Variants in GLIS3 observed in about 807,000 individuals in gnomAD.
The protein encoded by GLIS3 is GLIS family zinc finger 3, also known as zinc finger protein GLIS3.
In GLIS3, 53 loss-of-function variants were observed where a neutral mutation model predicts 78.6. The observed-to-expected ratio is 0.67, with a 90% CI of 0.54 to 0.85. The LOEUF is 0.85. GLIS3 is among the 40% of genes least tolerant of loss of function. The probability of loss-of-function intolerance (pLI) is 0.00; values close to 1 mark genes in which losing one functional copy is unlikely to be tolerated. For synonymous variants in GLIS3, 684 were observed against 509.9 expected (o/e 1.34, Z -4.60); for missense variants, 1,703 against 1,231.1 (o/e 1.38, Z -5.74).
Position 4,118,351 on chromosome 9 carries a change from G to A in GLIS3, c.1127C>T (p.Pro376Leu). The A allele has an allele frequency of 1.9e-6, 3 of 1,583,292 alleles. No homozygotes were observed. The highest frequency in any genetic ancestry group is 2.6e-6 in the Non-Finnish European group (3 of 1,168,568). Residue 376 changes from proline to leucine, a missense_variant, in exon 4 of 11, where the codon CCT becomes CTT. Pro to Leu is a moderately conservative substitution (Grantham distance 98, BLOSUM62 -3). Transcript: ENST00000381971. This position sits in a 1 kb window ranked among gnomAD's most constrained non-coding sequence, Gnocchi z 4.7. ...GTAGGCCGGCAGCGCCAGGCCTCCA[G>A]GGGCCACCAGCACGCCCTTCTGGCT... ...PGSQKGVLVA[P>L]GGLALPAYGE...
intron 4 of GLIS3, among the ~76,000 whole-genome samples, chr9:3,984,355 T>G (rs1819551996): frequency 6.6e-6 from 1 of 152,246 alleles, no homozygotes; most frequent in South Asian, 2.1e-4. Flanking sequence ...ACACACCTCT[T>G]GCATCAGCAT....
the GLIS3 span, among the ~76,000 whole-genome samples, chr9:4,380,169 T>C: frequency 3.3e-5 from 5 of 152,376 alleles, no homozygotes; most frequent in South Asian, 4.1e-4. Context: ...GGAATTATAA[T>C]TGGTTCATTA....
intron 2 of GLIS3, among the ~76,000 whole-genome samples, chr9:4,149,766 A>C (rs906119803): frequency 6.6e-6 from 1 of 151,960 alleles, no homozygotes; most frequent in African/African-American, 2.4e-5. Flanking sequence ...GGAGCAGGTG[A>C]AACAGAGATC....
At chr9:4,232,213 A>T (rs572216495) in intron 2 of GLIS3, among the ~76,000 whole-genome samples, 1 of 152,116 alleles carries the variant, frequency 6.6e-6, no homozygotes, top group South Asian at 2.1e-4. Flanking sequence ...TTCTGTCTCT[A>T]CAGAAAAATT....
At chr9:4,437,821 T>A in the GLIS3 span, among the ~76,000 whole-genome samples, 5 of 152,218 alleles carry the variant, frequency 3.3e-5, no homozygotes, top group Non-Finnish European at 7.3e-5. Context: ...CACTTCTTAA[T>A]GAATAGTAAA....
intron 9 of GLIS3, among the ~76,000 whole-genome samples, chr9:3,851,735 T>C (rs560964376): frequency 6.6e-6 from 1 of 151,716 alleles, no homozygotes; most frequent in Admixed American, 6.6e-5. Flanking sequence ...CCTTCATAGC[T>C]CTCTGTAATG....
At chr9:3,999,872 C>T (rs752814611) in intron 4 of GLIS3, among the ~76,000 whole-genome samples, 8 of 152,060 alleles carry the variant, frequency 5.3e-5, no homozygotes, top group South Asian at 2.1e-4. Flanking sequence ...ATAGTAATTA[C>T]GCAATGCAAC....
chr9:4,367,792 A>G, the GLIS3 span, among the ~76,000 whole-genome samples: 1 of 152,174 alleles, frequency 6.6e-6, no homozygotes, highest in African/African-American at 2.4e-5. Flanking sequence ...AAAAAAGAAG[A>G]GACATTTATT....
chr9:4,245,670 T>C (rs1289007396), intron 2 of GLIS3, among the ~76,000 whole-genome samples: 2 of 152,200 alleles, frequency 1.3e-5, no homozygotes, highest in African/African-American at 2.4e-5. Flanking sequence ...ACTGATATAA[T>C]TTTCAATGTT....
At chr9:4,251,283 G>T (rs956197850) in intron 2 of GLIS3, among the ~76,000 whole-genome samples, 1 of 151,994 alleles carries the variant, frequency 6.6e-6, no homozygotes, top group Non-Finnish European at 1.5e-5. Flanking sequence ...TATGAATCTG[G>T]GTCCTCCTGT....
chr9:3,889,486 T>G (rs527988451), intron 7 of GLIS3, among the ~76,000 whole-genome samples: 1 of 152,314 alleles, frequency 6.6e-6, no homozygotes, highest in South Asian at 2.1e-4. Context: ...ACTAAAGTAT[T>G]TGCTAAATCT....
chr9:4,251,903 TCTTTC>T (rs1303134398), intron 2 of GLIS3, among the ~76,000 whole-genome samples: 1 of 152,204 alleles, frequency 6.6e-6, no homozygotes, highest in Non-Finnish European at 1.5e-5. Context: ...GGTTGAAAAT[TCTTTC>T]CTTTAAGAAT....
At chr9:4,314,274 G>T (rs1817407338) in intron 2 of GLIS3, among the ~76,000 whole-genome samples, 1 of 152,030 alleles carries the variant, frequency 6.6e-6, no homozygotes, top group East Asian at 1.9e-4. Context: ...ATCAGAATTA[G>T]AATCAAGAAC....
chr9:4,240,199 G>T (rs909027189), intron 2 of GLIS3, among the ~76,000 whole-genome samples: 2 of 151,580 alleles, frequency 1.3e-5, no homozygotes, highest in Middle Eastern at 3.4e-3. Flanking sequence ...GGGAGGTGGG[G>T]GGGGGGGATG....
At chr9:4,217,004 G>A (rs1416128677) in intron 2 of GLIS3, among the ~76,000 whole-genome samples, 2 of 152,198 alleles carry the variant, frequency 1.3e-5, no homozygotes, top group African/African-American at 2.4e-5. Flanking sequence ...AAGGGATTCA[G>A]CTGCTACCAG....
At chr9:4,479,918 T>TC in the GLIS3 span, among the ~76,000 whole-genome samples, 3 of 148,268 alleles carry the variant, frequency 2.0e-5, no homozygotes, top group Non-Finnish European at 4.5e-5. Context: ...TTTTTTTTTT[T>TC]TTTTTTTTGT....
chr9:4,016,124 G>A (rs1024726853), intron 4 of GLIS3, among the ~76,000 whole-genome samples: 54 of 151,996 alleles, frequency 3.6e-4, no homozygotes, highest in Admixed American at 1.3e-4. Context: ...ATCCAAAATG[G>A]GTCATGTTTT....
the GLIS3 span, among the ~76,000 whole-genome samples, chr9:4,460,874 C>T: frequency 1.3e-5 from 2 of 152,182 alleles, no homozygotes. Context: ...GCCAAATGAG[C>T]CCAATTACTC....
At chr9:4,139,391 A>C (rs1362612145) in intron 2 of GLIS3, among the ~76,000 whole-genome samples, 1 of 152,244 alleles carries the variant, frequency 6.6e-6, no homozygotes, top group African/African-American at 2.4e-5. Flanking sequence ...GTTCAAGGCC[A>C]CGAATCAAAT....
Sources: allele counts gnomAD v4.1 joint callset (sites outside exome capture counted in the v4.1 genomes callset), GRCh38; gene constraint gnomAD v4.1.1; non-coding constraint Gnocchi (gnomAD v3.1); transcripts MANE v1.5; gene names NCBI Gene and HGNC (gene_info 2026-07-23, HGNC 2026-07-21).